ST8SIA6: variants seen among roughly 807,000 people sequenced by gnomAD.
The protein encoded by ST8SIA6 is ST8 alpha-N-acetyl-neuraminide alpha-2,8-sialyltransferase 6, also known as alpha-2,8-sialyltransferase 8F.
A neutral mutation model predicts 33.6 loss-of-function variants in ST8SIA6; 39 were observed. That is an observed-to-expected ratio of 1.16 (90% CI 0.90 to 1.52). The LOEUF is 1.52. Ranked by LOEUF, ST8SIA6 falls within the 40% of genes most tolerant of loss-of-function variation. The pLI, the probability that ST8SIA6 is intolerant of heterozygous loss-of-function variation, is 0.00. For missense variants in ST8SIA6, 441 were observed against 443.8 expected, an observed-to-expected ratio of 0.99 and a Z score of 0.06; for synonymous variants, 172 against 167.2, an observed-to-expected ratio of 1.03 and a Z score of -0.22.
chr10:17,318,856 G>A lies in ST8SIA6; in HGVS notation c.*2022C>T. On this transcript the variant is annotated 3_prime_UTR_variant, in exon 8 of 8. Transcript: ENST00000377602. ...TTCATGTTCTATCATATTTTAGAAA[G>A]TTCTAAGTAATGTTCTGTTTTGGAA... 2.5e-6 allele frequency: 1 copy of A among 396,074 alleles called. No homozygotes were observed. 24.5% of individuals were successfully genotyped at this position (396,074 alleles called of 1,614,324 possible).
chr10:17,444,706 A>G (rs1311720085), intron 2 of ST8SIA6, among the ~76,000 whole-genome samples: 1 of 152,202 alleles, frequency 6.6e-6, no homozygotes, highest in African/African-American at 2.4e-5. Flanking sequence ...GTGACAAAGA[A>G]TGAAAGCACT....
At chr10:17,357,599 C>A (rs963163374) in intron 4 of ST8SIA6, among the ~76,000 whole-genome samples, 1 of 152,186 alleles carries the variant, frequency 6.6e-6, no homozygotes, top group Non-Finnish European at 1.5e-5. Flanking sequence ...CAAAAACCAG[C>A]CCAAATTGAT....
At chr10:17,397,160 G>A (rs1329863884) in intron 2 of ST8SIA6, among the ~76,000 whole-genome samples, 4 of 151,052 alleles carry the variant, frequency 2.6e-5, no homozygotes, top group Non-Finnish European at 5.9e-5. Context: ...AAACATCTCT[G>A]CCAACCTTTT....
At chr10:17,375,123 G>C (rs888614536) in intron 3 of ST8SIA6, among the ~76,000 whole-genome samples, 1 of 151,910 alleles carries the variant, frequency 6.6e-6, no homozygotes, top group Non-Finnish European at 1.5e-5. Flanking sequence ...AAAAACTGAT[G>C]AGAAAAGGCA....
intron 3 of ST8SIA6, among the ~76,000 whole-genome samples, chr10:17,370,115 G>A (rs978218114): frequency 6.6e-6 from 1 of 151,996 alleles, no homozygotes; most frequent in African/African-American, 2.4e-5. Flanking sequence ...CCAGTAGCTG[G>A]GACTACAGGC....
chr10:17,333,717 A>ATATAGATATATATATATATATTTTTTT (rs1251981910), intron 4 of ST8SIA6, among the ~76,000 whole-genome samples: 1 of 33,754 alleles, frequency 3.0e-5, no homozygotes, highest in Non-Finnish European at 4.6e-5. Flanking sequence ...ATATATATAT[A>ATATAGATATATATATATATATTTTTTT]TTTTTTTTTT....
chr10:17,317,646 CA>C lies in ST8SIA6; in HGVS notation c.*3231del, dbSNP rs946232947. Among the ~76,000 whole-genome samples, 5 of 152,132 alleles carry C rather than the reference CA, an allele frequency of 3.3e-5. No homozygotes were observed. The highest frequency in any genetic ancestry group is 7.4e-5 in the Non-Finnish European group (5 of 68,016). Reference sequence around the variant, plus strand: ...TTTCCACAAAATTTTCCACTTTTCCCAAAGCTTCCTAATTCATGGAGTGATT... The same window carrying C: ...TTTCCACAAAATTTTCCACTTTTCCCAAGCTTCCTAATTCATGGAGTGATT... On this transcript the variant is annotated 3_prime_UTR_variant, in exon 8 of 8. Transcript: ENST00000377602.
At chr10:17,385,937 C>T (rs1850326608) in intron 3 of ST8SIA6, among the ~76,000 whole-genome samples, 3 of 152,162 alleles carry the variant, frequency 2.0e-5, no homozygotes, top group Admixed American at 6.6e-5. Flanking sequence ...AAACACAACA[C>T]TTTGGGAGGC....
intron 4 of ST8SIA6, among the ~76,000 whole-genome samples, chr10:17,351,068 C>A (rs750081357): frequency 1.1e-4 from 17 of 152,082 alleles, no homozygotes; most frequent in African/African-American, 4.1e-4. Context: ...TGCCACTTTT[C>A]CCTTTCCCTG....
At chr10:17,429,960 T>C (rs1334418545) in intron 2 of ST8SIA6, among the ~76,000 whole-genome samples, 3 of 152,218 alleles carry the variant, frequency 2.0e-5, no homozygotes, top group African/African-American at 4.8e-5. Context: ...GGATGAATTG[T>C]ACAGTGGTGA....
chr10:17,346,117 C>T (rs1258675076), intron 4 of ST8SIA6, among the ~76,000 whole-genome samples: 1 of 152,190 alleles, frequency 6.6e-6, no homozygotes. Context: ...AGGAATTGAG[C>T]CTTCTTGAGC....
intron 5 of ST8SIA6, among the ~76,000 whole-genome samples, chr10:17,330,725 C>T (rs530720981): frequency 5.3e-5 from 8 of 152,070 alleles, no homozygotes; most frequent in South Asian, 2.1e-4. Flanking sequence ...CATAGAAAGA[C>T]GCTGGAGAGT....
At chr10:17,380,857 GTGTA>G (rs572211542) in intron 3 of ST8SIA6, among the ~76,000 whole-genome samples, 2 of 151,922 alleles carry the variant, frequency 1.3e-5, no homozygotes, top group African/African-American at 2.4e-5. Flanking sequence ...GTGTGTTTGT[GTGTA>G]TGTGTTTGTA....
At chr10:17,385,990 C>T (rs1460219816) in intron 3 of ST8SIA6, among the ~76,000 whole-genome samples, 1 of 152,056 alleles carries the variant, frequency 6.6e-6, no homozygotes, top group Non-Finnish European at 1.5e-5. Context: ...TGAGACCAAC[C>T]TGGGCAACAA....
intron 2 of ST8SIA6, among the ~76,000 whole-genome samples, chr10:17,453,212 A>G (rs1852979630): frequency 7.5e-6 from 1 of 132,888 alleles, no homozygotes; most frequent in African/African-American, 2.8e-5. Context: ...AAATCCCTCC[A>G]TAAAGACAGG....
At chr10:17,371,813 T>A (rs56335118) in intron 3 of ST8SIA6, among the ~76,000 whole-genome samples, 14,605 of 114,606 alleles carry the variant, frequency 0.13, 1,163 homozygotes, top group Non-Finnish European at 0.16. Context: ...AGAAAGAAAG[T>A]AAAAAATGAG....
intron 2 of ST8SIA6, among the ~76,000 whole-genome samples, chr10:17,412,746 G>T (rs968766009): frequency 7.1e-5 from 10 of 141,576 alleles, no homozygotes; most frequent in South Asian, 2.3e-4. Context: ...CAATATGATA[G>T]AAGAAATAAG....
chr10:17,399,125 C>A (rs139121388), intron 2 of ST8SIA6: 1 of 152,152 alleles, frequency 6.6e-6, no homozygotes, highest in South Asian at 2.1e-4. Context: ...AATCAAGTCA[C>A]GGCGCCTACA....
intron 2 of ST8SIA6, among the ~76,000 whole-genome samples, chr10:17,402,471 C>T (rs967103871): frequency 6.6e-6 from 1 of 152,204 alleles, no homozygotes; most frequent in Admixed American, 6.5e-5. Flanking sequence ...TATAAAGACA[C>T]ATGCACACGT....
Sources: gnomAD v4.1 joint callset for allele counts (sites outside exome capture counted in the v4.1 genomes callset) on GRCh38, gnomAD v4.1.1 for gene constraint, MANE v1.5 for transcripts, NCBI Gene and HGNC (gene_info 2026-07-23, HGNC 2026-07-21) for gene names.